Variants in TGS1 observed in about 807,000 individuals in gnomAD.
The protein encoded by TGS1 is trimethylguanosine synthase 1.
In TGS1, 69 loss-of-function variants were observed where a neutral mutation model predicts 92.2. The observed-to-expected ratio is 0.75, with a 90% CI of 0.62 to 0.91. The LOEUF (loss-of-function observed/expected upper bound fraction) is 0.91. Ranked by LOEUF, TGS1 falls within the 40% of genes least tolerant of loss-of-function variation. The pLI, the probability that TGS1 is intolerant of heterozygous loss-of-function variation, is 0.00. For synonymous variants in TGS1, 345 were observed against 338.1 expected (o/e 1.02, Z -0.22); for missense variants, 1,062 against 1,001.2 (o/e 1.06, Z -0.82).
At chr8:55,816,971 T>C (rs1434483737) in intron 12 of TGS1, among the ~76,000 whole-genome samples, 2 of 152,026 alleles carry the variant, frequency 1.3e-5, no homozygotes, top group Non-Finnish European at 2.9e-5. Flanking sequence ...TTCAAGCGAT[T>C]CTCCTGCCTC....
In TGS1 at chr8:55,785,874, G is replaced by T. The variant is rs144671850; in HGVS notation, c.322G>T (p.Ala108Ser). The change falls in exon 3 of 13, where the codon GCA (alanine) becomes TCA (serine). Residue 108 changes from alanine to serine, a missense_variant. By Grantham distance (99) the Ala-to-Ser change is moderately conservative. Coordinates refer to ENST00000260129, the MANE Select transcript of TGS1 (RefSeq NM_024831.8). Reference protein sequence around the residue: ...GLPLQFGRITAHKDFEVSMNT... With the variant: ...GLPLQFGRITSHKDFEVSMNT... Reference sequence around the variant, plus strand: ...GCCACTTCAATTTGGTAGGATAACTGCACATAAGGATTTTGAGGTAAATAT... The same window carrying T: ...GCCACTTCAATTTGGTAGGATAACTTCACATAAGGATTTTGAGGTAAATAT... The T allele has an allele frequency of 6.3e-7, 1 of 1,599,554 alleles. No individual in the cohort carries two copies. The highest frequency in any genetic ancestry group is 8.5e-7 in the Non-Finnish European group (1 of 1,175,686).
At chr8:55,822,156 G>A (rs138058358) in intron 12 of TGS1, among the ~76,000 whole-genome samples, 2,622 of 150,386 alleles carry the variant, frequency 0.017, 91 homozygotes, top group African/African-American at 0.061. Context: ...TGCAAGCTCC[G>A]CCTCCTGAAT....
chr8:55,795,964 T>C lies in TGS1; in HGVS notation c.1368-14T>C, dbSNP rs1329583158. The C allele has an allele frequency of 1.3e-6, 2 of 1,593,062 alleles. No homozygotes were observed. The highest frequency in any genetic ancestry group is 1.8e-5 in the Admixed American group (1 of 56,810). On this transcript the variant is annotated splice_polypyrimidine_tract_variant and intron_variant, in intron 6 of 12. Coordinates refer to ENST00000260129, the MANE Select transcript of TGS1 (RefSeq NM_024831.8). Reference sequence around the variant, plus strand: ...GAATTTAAGTTGTGAATAACTTCTTTTGATCTGTCACAGATATGGTGGAAT... The same window carrying C: ...GAATTTAAGTTGTGAATAACTTCTTCTGATCTGTCACAGATATGGTGGAAT...
In TGS1 at chr8:55,804,870, A is replaced by G. The variant is rs557771282; in HGVS notation, c.2000-23A>G. On this transcript the variant is annotated intron_variant, in intron 9 of 12. Coordinates refer to ENST00000260129, the MANE Select transcript of TGS1 (RefSeq NM_024831.8). ...TGGCTTCTTGAAATTGAACATGCTA[A>G]CACAAATACTCTTCCTTTGCAGAGG... The G allele has an allele frequency of 3.6e-4, 587 of 1,608,968 alleles. 7 individuals are homozygous for G. The South Asian group carries it at 6.2e-3, about 17-fold the overall frequency.
intron 12 of TGS1, among the ~76,000 whole-genome samples, chr8:55,823,049 C>T (rs1474655442): frequency 1.3e-5 from 2 of 152,104 alleles, no homozygotes; most frequent in African/African-American, 2.4e-5. Context: ...TTTTCTATTG[C>T]TGTGTCTTCT....
chr8:55,798,469 T>C (rs1812121858), intron 7 of TGS1, among the ~76,000 whole-genome samples: 2 of 152,212 alleles, frequency 1.3e-5, no homozygotes, highest in South Asian at 4.1e-4. Context: ...TTAGGGTTCG[T>C]CTTTGATGCT....
At chr8:55,813,733 T>A (rs895236534) in intron 12 of TGS1, among the ~76,000 whole-genome samples, 1 of 152,196 alleles carries the variant, frequency 6.6e-6, no homozygotes, top group Admixed American at 6.5e-5. Flanking sequence ...CTTTTTTCCT[T>A]TCTCTGGGAC....
intron 11 of TGS1, among the ~76,000 whole-genome samples, chr8:55,811,918 C>T (rs1803351542): frequency 6.6e-6 from 1 of 152,136 alleles, no homozygotes; most frequent in Non-Finnish European, 1.5e-5. Flanking sequence ...ATTTCCGTTG[C>T]TTGCTATTCA....
At chr8:55,776,225 C>T (rs1002263261) in intron 1 of TGS1, among the ~76,000 whole-genome samples, 5 of 150,034 alleles carry the variant, frequency 3.3e-5, no homozygotes, top group African/African-American at 1.2e-4. Context: ...CTGGGGGCTG[C>T]GTACACCACT....
intron 12 of TGS1, among the ~76,000 whole-genome samples, chr8:55,814,370 T>A (rs1803415868): frequency 6.6e-6 from 1 of 152,086 alleles, no homozygotes; most frequent in Admixed American, 6.6e-5. Flanking sequence ...TCTCCAGAGT[T>A]GAGATTCTCT....
At chr8:55,809,703 G>A (rs112038331) in intron 10 of TGS1, among the ~76,000 whole-genome samples, 1 of 152,132 alleles carries the variant, frequency 6.6e-6, no homozygotes, top group Admixed American at 6.5e-5. Flanking sequence ...CCAAAGTGCT[G>A]GGATTACAGG....
chr8:55,804,309 C>T (rs1050280074), intron 9 of TGS1, among the ~76,000 whole-genome samples: 4 of 152,112 alleles, frequency 2.6e-5, no homozygotes, highest in East Asian at 1.9e-4. Flanking sequence ...GGCATGGTAG[C>T]GTGTGCCTGT....
chr8:55,779,490 T>A (rs1811498047), intron 1 of TGS1, among the ~76,000 whole-genome samples: 1 of 152,322 alleles, frequency 6.6e-6, no homozygotes, highest in Non-Finnish European at 1.5e-5. Context: ...AGGCTAGCAC[T>A]GTGGTGGGAC....
rs569036489 is a variant in TGS1 at position 55,814,924 on chromosome 8, T to C, written c.2439+1806T>C. ...TTCATATTAAACACCAGGTATTTTA[T>C]ATCTACTTCTCATATGATTCAGAGC... On this transcript the variant is annotated intron_variant, in intron 12 of 12. Coordinates refer to ENST00000260129, the MANE Select transcript of TGS1 (RefSeq NM_024831.8). 3.1e-3 allele frequency among the ~76,000 whole-genome samples: 470 copies of C among 151,960 alleles called. 5 individuals carry two copies. Among genetic ancestry groups the C allele is most frequent in the African/African-American group, 0.01 (418 of 41,508 alleles).
chr8:55,812,992 T>G, intron 11 of TGS1, 48 bp from the exon 12 acceptor site: 2 of 1,326,700 alleles, frequency 1.5e-6, no homozygotes, highest in Non-Finnish European at 1.1e-6. Flanking sequence ...CTCTTTCTGA[T>G]TAGAAATTAG....
intron 12 of TGS1, among the ~76,000 whole-genome samples, chr8:55,816,503 A>T (rs1255848907): frequency 6.6e-6 from 1 of 152,200 alleles, no homozygotes; most frequent in Non-Finnish European, 1.5e-5. Flanking sequence ...GACATAAAAC[A>T]TCTAGTCTCA....
chr8:55,778,442 G>A (rs1393449829), intron 1 of TGS1, among the ~76,000 whole-genome samples: 1 of 152,174 alleles, frequency 6.6e-6, no homozygotes, highest in Non-Finnish European at 1.5e-5. Context: ...CTGATGTTCT[G>A]TTCAGACACT....
At position 55,785,920 on chromosome 8, in the gene TGS1, T is replaced by A. The variant is rs1811696122; in HGVS notation, c.339+29T>A. ...AATATTAATTTACTTTTATTATTTC[T>A]CTCTCTTCGTTTTCTTTATAAAATA... On this transcript the variant is annotated intron_variant, in intron 3 of 12. Transcript: ENST00000260129. 4.5e-6 allele frequency: 7 copies of A among 1,541,332 alleles called. 1 individual carries two copies. The East Asian group carries it at 1.6e-4, about 35-fold the overall frequency.
At chr8:55,777,969 T>G (rs549096443) in intron 1 of TGS1, among the ~76,000 whole-genome samples, 11 of 152,208 alleles carry the variant, frequency 7.2e-5, no homozygotes, top group African/African-American at 2.6e-4. Context: ...CCTCACTTAT[T>G]CAAGTAGAAA....
Sources: gnomAD v4.1 joint callset for allele counts (sites outside exome capture counted in the v4.1 genomes callset) on GRCh38, gnomAD v4.1.1 for gene constraint, MANE v1.5 for transcripts, NCBI Gene and HGNC (gene_info 2026-07-23, HGNC 2026-07-21) for gene names.